JMJD1C: variants seen among roughly 807,000 people sequenced by gnomAD.
JMJD1C encodes the protein jumonji domain containing 1C.
Under a neutral mutation model 245.3 loss-of-function variants are expected in JMJD1C, and 31 were observed. The ratio of observed to expected loss-of-function variants is 0.13; its 90% CI spans 0.09 to 0.17. The LOEUF is 0.17. Ranked by LOEUF, JMJD1C falls within the 10% of genes least tolerant of loss-of-function variation. The pLI, the probability that JMJD1C is intolerant of heterozygous loss-of-function variation, is 1.00. For synonymous variants in JMJD1C, 1,057 were observed against 1,017.4 expected (o/e 1.04, Z -0.74); for missense variants, 2,691 against 3,000.2 (o/e 0.90, Z 2.41).
intron 2 of JMJD1C, among the ~76,000 whole-genome samples, chr10:63,322,001 T>C (rs1195678025): frequency 6.6e-6 from 1 of 152,220 alleles, no homozygotes; most frequent in East Asian, 1.9e-4. Flanking sequence ...AAGTCACACT[T>C]CTTGAATGTC....
intron 2 of JMJD1C, among the ~76,000 whole-genome samples, chr10:63,359,400 G>C (rs1945137526): frequency 6.6e-6 from 1 of 152,158 alleles, no homozygotes. Context: ...TTAAAACACA[G>C]CAGTTTCTTC....
At chr10:63,303,167 C>T (rs556041478) in intron 2 of JMJD1C, among the ~76,000 whole-genome samples, 26 of 152,350 alleles carry the variant, frequency 1.7e-4, no homozygotes, top group African/African-American at 6.3e-4. Flanking sequence ...AGTTCTTGAA[C>T]TAATGATTTA....
At position 63,218,468 on chromosome 10, in the gene JMJD1C, GTCTTT is replaced by G. The variant is rs1361923079; in HGVS notation, c.554-1142_554-1138del. On this transcript the variant is annotated intron_variant, in intron 4 of 25. Coordinates refer to ENST00000399262, the MANE Select transcript of JMJD1C (RefSeq NM_032776.3). ...AGCCATATCCATTATATGAACTTCA[GTCTTT>G]TCTAACTATTGAAGAATAAGACTCC... is the stretch of plus-strand genomic sequence containing the variant. Among the ~76,000 whole-genome samples the G allele has an allele frequency of 2.6e-5, 4 of 152,032 alleles. No individual in the cohort carries two copies. In the East Asian group the frequency reaches 7.7e-4, roughly 29 times the overall value.
At chr10:63,227,123 CAT>C (rs760831108) in intron 3 of JMJD1C, among the ~76,000 whole-genome samples, 4 of 151,950 alleles carry the variant, frequency 2.6e-5, no homozygotes, top group Non-Finnish European at 4.4e-5. Context: ...ACTGTACTAA[CAT>C]AATTTTAGGT....
intron 2 of JMJD1C, among the ~76,000 whole-genome samples, chr10:63,299,306 C>G (rs1205793133): frequency 6.6e-6 from 1 of 151,934 alleles, no homozygotes; most frequent in African/African-American, 2.4e-5. Flanking sequence ...CTCAAGACTC[C>G]CAAGCATCTG....
chr10:63,359,055 TAATG>T (rs900280710), intron 2 of JMJD1C: 1 of 153,422 alleles, frequency 6.5e-6, no homozygotes, highest in African/African-American at 2.4e-5. Context: ...GCAGCCATAC[TAATG>T]AAAGGAACAC....
intron 1 of JMJD1C, among the ~76,000 whole-genome samples, chr10:63,435,771 C>T (rs79008713): frequency 0.022 from 3,340 of 152,208 alleles, 120 homozygotes; most frequent in African/African-American, 0.074. Flanking sequence ...TGGTGGCATG[C>T]GCCTATAATC....
chr10:63,293,891 C>T (rs1317037520), intron 2 of JMJD1C, among the ~76,000 whole-genome samples: 2 of 152,078 alleles, frequency 1.3e-5, no homozygotes, highest in Admixed American at 6.6e-5. Flanking sequence ...AACTGATCAA[C>T]TTATGGCTCT....
intron 3 of JMJD1C, among the ~76,000 whole-genome samples, chr10:63,245,415 G>C (rs1319015280): frequency 6.6e-6 from 1 of 150,602 alleles, no homozygotes; most frequent in Non-Finnish European, 1.5e-5. Flanking sequence ...AAGGCAAGGA[G>C]GAGCAAGTCA....
At chr10:63,176,721 A>C (rs1842885581) in intron 23 of JMJD1C, 1 of 353,692 alleles carries the variant, frequency 2.8e-6, no homozygotes, top group African/African-American at 2.1e-5. Context: ...ACCTCCTTCC[A>C]CTATGAAGTT....
rs752495848 is a variant in JMJD1C at position 63,207,036 on chromosome 10, T to C, written c.4633A>G (p.Asn1545Asp). The C allele has an allele frequency of 6.2e-6, 10 of 1,614,040 alleles. No individual in the cohort carries two copies. Among genetic ancestry groups the C allele is most frequent in the Non-Finnish European group, 7.6e-6 (9 of 1,180,028 alleles). Residue 1545 changes from asparagine to aspartate, a missense_variant, in exon 10 of 26, where the codon AAC (asparagine) becomes GAC (aspartate). Physicochemically the swap from Asn to Asp is conservative, Grantham distance 23. Coordinates refer to ENST00000399262, the MANE Select transcript of JMJD1C (RefSeq NM_032776.3). ...NGQASQTSQP[N>D]YHTKLKKAWL... ...GCCTTTTTCAGTTTAGTATGGTAGT[T>C]TGGTTGACTTGTCTGGGAAGCTTGC...
At chr10:63,305,514 T>C (rs1352731345) in intron 2 of JMJD1C, among the ~76,000 whole-genome samples, 1 of 94,896 alleles carries the variant, frequency 1.1e-5, no homozygotes, top group Admixed American at 9.9e-5. Flanking sequence ...GGTCTGACCC[T>C]CTCTCTCTCT....
intron 1 of JMJD1C, among the ~76,000 whole-genome samples, chr10:63,439,742 T>C (rs1001478971): frequency 6.6e-6 from 1 of 152,178 alleles, no homozygotes; most frequent in African/African-American, 2.4e-5. Context: ...CTATCATATA[T>C]AAAAACAACA....
At chr10:63,441,017 T>G (rs1951351457) in intron 1 of JMJD1C, among the ~76,000 whole-genome samples, 1 of 152,130 alleles carries the variant, frequency 6.6e-6, no homozygotes, top group Admixed American at 6.5e-5. Flanking sequence ...AGGGAAAACT[T>G]CCTGGAAGAA....
chr10:63,407,850 A>G (rs1391098286), intron 1 of JMJD1C, among the ~76,000 whole-genome samples: 1 of 152,024 alleles, frequency 6.6e-6, no homozygotes, highest in Admixed American at 6.6e-5. Flanking sequence ...AATCTTTAGC[A>G]AATTAAATTA....
intron 2 of JMJD1C, 40 bp downstream of exon 2, chr10:63,380,277 GA>G: frequency 6.3e-7 from 1 of 1,599,410 alleles, no homozygotes; most frequent in Non-Finnish European, 8.6e-7. Flanking sequence ...TGTTTTAAAC[GA>G]ACAAATGAAA....
chr10:63,204,138 G>GAA, intron 10 of JMJD1C: 11 of 894,734 alleles, frequency 1.2e-5, no homozygotes, highest in Non-Finnish European at 1.5e-5. Context: ...AAATATTTAA[G>GAA]AAAAAAAAAA....
chr10:63,223,046 T>C, intron 3 of JMJD1C: 1 of 1,213,810 alleles, frequency 8.2e-7, no homozygotes, highest in Non-Finnish European at 1.2e-6. Context: ...TCCTGGAATA[T>C]AATTGGTATA....
intron 1 of JMJD1C, among the ~76,000 whole-genome samples, chr10:63,384,765 A>AAG (rs1285652197): frequency 2.0e-5 from 3 of 152,218 alleles, no homozygotes; most frequent in African/African-American, 7.2e-5. Flanking sequence ...AGTCCCTAAC[A>AAG]AGAGAGTTGG....
Sources: gnomAD v4.1 joint callset for allele counts (sites outside exome capture counted in the v4.1 genomes callset) on GRCh38, gnomAD v4.1.1 for gene constraint, MANE v1.5 for transcripts, NCBI Gene and HGNC (gene_info 2026-07-23, HGNC 2026-07-21) for gene names.